The following CDC42BPB variants were observed in gnomAD, a reference collection of about 807,000 sequenced individuals.
CDC42BPB encodes serine/threonine-protein kinase MRCK beta.
A neutral mutation model predicts 214.9 loss-of-function variants in CDC42BPB; 37 were observed. That is an observed-to-expected ratio of 0.17 (90% CI 0.13 to 0.23). CDC42BPB has a LOEUF of 0.23. Among genes scored for constraint, CDC42BPB ranks in the 10% least tolerant of loss-of-function variants. The pLI is 1.00. For missense variants in CDC42BPB, 1,694 were observed against 2,227.0 expected (o/e 0.76, Z 4.82); for synonymous variants, 931 against 884.0 (o/e 1.05, Z -0.94).
intron 1 of CDC42BPB, among the ~76,000 whole-genome samples, chr14:103,036,153 CTTTTT>C (rs564909240): frequency 2.9e-5 from 4 of 135,974 alleles, no homozygotes; most frequent in Admixed American, 7.4e-5. Flanking sequence ...ATAAAATATT[CTTTTT>C]TTTTTTTTTT....
At position 103,001,110 on chromosome 14, in the gene CDC42BPB, T is replaced by C. The variant is rs946588868; in HGVS notation, c.448-1397A>G. On this transcript the variant is annotated intron_variant, in intron 4 of 36. Coordinates refer to ENST00000361246, the MANE Select transcript of CDC42BPB (RefSeq NM_006035.4). This position sits in a 1 kb window ranked among gnomAD's most constrained non-coding sequence, Gnocchi z 5.8. ...CAAACTCTCATCCCTTCCAAGCCTC[T>C]CCACAGCTGTCCCACCCTGTGGAGT... Among the ~76,000 whole-genome samples the C allele has an allele frequency of 1.9e-4, 29 of 152,268 alleles. 1 individual carries two copies. Among genetic ancestry groups the C allele is most frequent in the Middle Eastern group, 3.4e-3 (1 of 294 alleles).
At chr14:102,952,883 C>T (rs1892550883) in intron 23 of CDC42BPB, 2 of 251,512 alleles carry the variant, frequency 8.0e-6, no homozygotes, top group Admixed American at 1.3e-4. Context: ...GCCGAGGTGG[C>T]ATGGCCAGTG....
chr14:103,010,492 A>G (rs910748310), intron 2 of CDC42BPB, among the ~76,000 whole-genome samples: 3 of 152,176 alleles, frequency 2.0e-5, no homozygotes, highest in Non-Finnish European at 2.9e-5. Flanking sequence ...CTATTTCCCT[A>G]AAGTACTGAT....
At chr14:102,976,099 T>C (rs1407647657) in intron 9 of CDC42BPB, 50 bp from the exon 10 acceptor site, 2 of 1,592,868 alleles carry the variant, frequency 1.3e-6, no homozygotes, top group Admixed American at 3.5e-5. Context: ...ATTTAGCGAT[T>C]TCATTAGCAT....
At position 102,968,523 on chromosome 14, in the gene CDC42BPB, T is replaced by C. The variant is rs2139459780; in HGVS notation, c.2189A>G (p.Gln730Arg). The C allele has an allele frequency of 6.2e-7, 1 of 1,614,242 alleles. No homozygotes were observed. The highest frequency in any genetic ancestry group is 8.5e-7 in the Non-Finnish European group (1 of 1,180,050). The change falls in exon 15 of 37, where the codon CAG becomes CGG. Residue 730 changes from glutamine to arginine, a missense_variant. Gln to Arg is a conservative substitution (Grantham distance 43, BLOSUM62 1). Around this residue, in one of 7 missense-constraint regions of CDC42BPB, gnomAD observed 462 missense variants for 513.5 expected, o/e 0.90. Coordinates refer to ENST00000361246, the MANE Select transcript of CDC42BPB (RefSeq NM_006035.4). ...ATCTTTTAACATCAAGATTTCTTTC[T>C]GCAGGGCCAGCTGGTGGCTTTCTGA... ...HDSESHQLAL[Q>R]KEILMLKDKL...
rs1255677771 is a variant in CDC42BPB at position 102,975,799 on chromosome 14, G to A, written c.1392C>T (p.Ser464=). Reference sequence around the variant, plus strand: ...CGTGGAGGGACTGCACGGTCTGGGTGGACTCTGAGGGATGGAGAGACAGCG... The same window carrying A: ...CGTGGAGGGACTGCACGGTCTGGGTAGACTCTGAGGGATGGAGAGACAGCG... ...KLELSRKLQE[S]TQTVQSLHGS... is the part of the protein sequence containing the mutation. The change falls in exon 11 of 37, where the codon TCC becomes TCT. Residue 464 remains serine, a synonymous_variant. Transcript: ENST00000361246. 14 of 1,614,202 alleles carry A rather than the reference G, an allele frequency of 8.7e-6. No individual in the cohort carries two copies. The highest frequency in any genetic ancestry group is 1.1e-5 in the Non-Finnish European group (13 of 1,180,020).
intron 20 of CDC42BPB, 89 bp from the exon 21 acceptor site, chr14:102,959,799 T>C: frequency 2.1e-6 from 3 of 1,415,882 alleles, no homozygotes; most frequent in South Asian, 1.4e-5. Context: ...AAGATGTCAA[T>C]TCTCCTTGAG....
Position 102,966,280 on chromosome 14 carries a change from A to C in CDC42BPB, c.2577+2T>G. The C allele has an allele frequency of 6.2e-7, 1 of 1,607,246 alleles. No individual in the cohort carries two copies. The highest frequency in any genetic ancestry group is 8.5e-7 in the Non-Finnish European group (1 of 1,173,798). ...GAAATGCAGGCATTACACAAAACCT[A>C]CCAGTGTTCTTGACCCCAGACTAGA... On this transcript the variant is annotated splice_donor_variant, in intron 18 of 36. Coordinates refer to ENST00000361246, the MANE Select transcript of CDC42BPB (RefSeq NM_006035.4). LOFTEE classifies it high-confidence loss of function.
chr14:102,951,937 A>G (rs1209287560), intron 24 of CDC42BPB, among the ~76,000 whole-genome samples: 3 of 152,240 alleles, frequency 2.0e-5, no homozygotes, highest in Admixed American at 6.5e-5. Context: ...CAGATGATCT[A>G]CTTCGTAGTA....
chr14:102,934,000 T>TG (rs1891517628), intron 36 of CDC42BPB, 157 bp from the exon 37 acceptor site: 1 of 1,377,786 alleles, frequency 7.3e-7, no homozygotes, highest in Non-Finnish European at 9.3e-7. Flanking sequence ...CAGCGATTCG[T>TG]GGGGCCCTTA....
intron 5 of CDC42BPB, among the ~76,000 whole-genome samples, chr14:102,989,799 C>T (rs184457845): frequency 6.6e-6 from 1 of 150,536 alleles, no homozygotes; most frequent in Non-Finnish European, 1.5e-5. Flanking sequence ...GCAGAGGTTG[C>T]AGTGAGCCGA....
intron 1 of CDC42BPB, among the ~76,000 whole-genome samples, chr14:103,050,515 T>C (rs1392594830): frequency 6.6e-6 from 1 of 152,160 alleles, no homozygotes; most frequent in Non-Finnish European, 1.5e-5. Flanking sequence ...AATCCCAACA[T>C]TTGGGAGGCC....
intron 24 of CDC42BPB, 182 bp from the exon 25 acceptor site, chr14:102,950,784 G>T: frequency 1.7e-6 from 1 of 596,664 alleles, no homozygotes; most frequent in Non-Finnish European, 2.1e-6. Context: ...TGGCCAACAT[G>T]GTGAAATCCC....
At chr14:102,967,776 T>G (rs1282811389) in intron 16 of CDC42BPB, among the ~76,000 whole-genome samples, 1 of 152,228 alleles carries the variant, frequency 6.6e-6, no homozygotes, top group East Asian at 1.9e-4. Flanking sequence ...AGCATCGTTA[T>G]ATGGCACATT....
intron 25 of CDC42BPB, chr14:102,950,161 A>G: frequency 1.1e-6 from 1 of 934,918 alleles, no homozygotes; most frequent in South Asian, 4.9e-5. Context: ...ACGCAGCCCG[A>G]CAGTCTCGTA....
chr14:102,962,112 C>T (rs1299882969), intron 20 of CDC42BPB, among the ~76,000 whole-genome samples: 1 of 152,212 alleles, frequency 6.6e-6, no homozygotes, highest in Non-Finnish European at 1.5e-5. Context: ...TACGGAGATG[C>T]TATTTCTCAC....
At chr14:102,953,815 C>T (rs768268575) in intron 23 of CDC42BPB, among the ~76,000 whole-genome samples, 4 of 152,148 alleles carry the variant, frequency 2.6e-5, no homozygotes, top group Non-Finnish European at 5.9e-5. Context: ...TTCTCACCCA[C>T]CAGCCACATG....
chr14:103,020,849 T>G (rs779560685), intron 1 of CDC42BPB, among the ~76,000 whole-genome samples: 1 of 152,246 alleles, frequency 6.6e-6, no homozygotes, highest in Non-Finnish European at 1.5e-5. Flanking sequence ...TCACAAAGTT[T>G]TAGAAAAATG....
Position 102,974,729 on chromosome 14 carries a change from A to G in CDC42BPB, c.1508-580T>C, listed in dbSNP as rs34900113. Among the ~76,000 whole-genome samples the G allele has an allele frequency of 4.0e-3, 613 of 152,324 alleles. 12 individuals carry two copies. Among genetic ancestry groups the G allele is most frequent in the Admixed American group, 0.037 (560 of 15,302 alleles). On this transcript the variant is annotated intron_variant, in intron 11 of 36. Coordinates refer to ENST00000361246, the MANE Select transcript of CDC42BPB (RefSeq NM_006035.4). ...TCCCAGCACTTCGGGAGGCCAAGGC[A>G]GGCGGATCACGAGGTCAGGAGATCG... is the stretch of plus-strand genomic sequence containing the variant.
Sources: allele counts gnomAD v4.1 joint callset (sites outside exome capture counted in the v4.1 genomes callset), GRCh38; gene constraint gnomAD v4.1.1; regional missense constraint gnomAD v4.1.1; non-coding constraint Gnocchi (gnomAD v3.1); transcripts MANE v1.5; gene names NCBI Gene and HGNC (gene_info 2026-07-23, HGNC 2026-07-21).